SAAL1: variants seen among roughly 807,000 people sequenced by gnomAD.
SAAL1 encodes serum amyloid A like 1.
SAAL1 carries 42 observed loss-of-function variants against 59.8 expected under a neutral mutation model. That is an observed-to-expected ratio of 0.70 (90% CI 0.55 to 0.91). SAAL1 has a LOEUF of 0.91. SAAL1 is among the 40% of genes least tolerant of loss of function. The probability of loss-of-function intolerance (pLI) is 0.00; values close to 1 mark genes in which losing one functional copy is unlikely to be tolerated. For missense variants in SAAL1, 542 were observed against 561.1 expected (o/e 0.97, Z 0.34); for synonymous variants, 191 against 194.3 (o/e 0.98, Z 0.14).
At position 18,080,483 on chromosome 11, in the gene SAAL1, A is replaced by T. The variant is rs1347322278; in HGVS notation, c.1341T>A (p.Asp447Glu). ...CAACTTCACGTAGGATTTTAATAAA[A>T]TCTTCCACCTGTGAGTCAAACAAAC... The part of the protein sequence containing the change: ...LLPFYSPVVE[D>E]FIKILREVDK... Residue 447 changes from aspartate to glutamate, a missense_variant, in exon 12 of 12, where the codon GAT (aspartate) becomes GAA (glutamate). Coordinates refer to ENST00000524803, the MANE Select transcript of SAAL1 (RefSeq NM_138421.3). 6.3e-7 allele frequency: 1 copy of T among 1,580,390 alleles called. No homozygotes were observed. The highest frequency in any genetic ancestry group is 2.0e-5 in the Admixed American group (1 of 48,892).
intron 2 of SAAL1, among the ~76,000 whole-genome samples, chr11:18,101,858 G>A (rs1403597337): frequency 2.0e-5 from 2 of 99,942 alleles, no homozygotes; most frequent in Non-Finnish European, 2.6e-5. Context: ...ACACAACATG[G>A]ATGAATCTCA....
At chr11:18,100,561 C>G (rs1339855836) in intron 2 of SAAL1, among the ~76,000 whole-genome samples, 2 of 152,162 alleles carry the variant, frequency 1.3e-5, no homozygotes, top group Non-Finnish European at 2.9e-5. Flanking sequence ...AAAACCCCAT[C>G]TCTACAAAAA....
intron 4 of SAAL1, 62 bp from the exon 5 acceptor site, chr11:18,090,555 T>C: frequency 6.5e-7 from 1 of 1,546,420 alleles, no homozygotes; most frequent in Non-Finnish European, 8.7e-7. Context: ...ATCAGAGTTT[T>C]CATTTAATTT....
chr11:18,090,583 T>A (rs1414164838), intron 4 of SAAL1, 90 bp from the exon 5 acceptor site: 8 of 1,382,214 alleles, frequency 5.8e-6, no homozygotes, highest in Non-Finnish European at 7.9e-6. Flanking sequence ...ATCTTTATTG[T>A]GAAATACAGC....
chr11:18,094,350 T>C (rs1454113651), intron 3 of SAAL1, among the ~76,000 whole-genome samples: 6 of 152,162 alleles, frequency 3.9e-5, no homozygotes, highest in Admixed American at 3.9e-4. Context: ...AGAGCTGACT[T>C]TTCATACACA....
intron 2 of SAAL1, among the ~76,000 whole-genome samples, chr11:18,098,910 A>G (rs985729815): frequency 3.9e-5 from 6 of 152,250 alleles, no homozygotes; most frequent in African/African-American, 1.4e-4. Flanking sequence ...ATTAAATGCC[A>G]GGCACAGTGA....
chr11:18,093,009 T>C (rs1848537635), intron 3 of SAAL1, among the ~76,000 whole-genome samples: 1 of 152,094 alleles, frequency 6.6e-6, no homozygotes, highest in Admixed American at 6.5e-5. Flanking sequence ...ATGTTTTAAA[T>C]TGCATGCCTT....
At position 18,094,787 on chromosome 11, in the gene SAAL1, G is replaced by A. The variant is rs529393324; in HGVS notation, c.333+1984C>T. Among the ~76,000 whole-genome samples the A allele has an allele frequency of 4.6e-5, 7 of 152,246 alleles. No individual in the cohort carries two copies. In the East Asian group the frequency reaches 7.7e-4, roughly 17 times the overall value. ...AATAAAAAGTGGGTGGTCAAATGTT[G>A]GGAAAAGATTAAGAGTGAGTAGGGG... On this transcript the variant is annotated intron_variant, in intron 3 of 11. Coordinates refer to ENST00000524803, the MANE Select transcript of SAAL1 (RefSeq NM_138421.3).
chr11:18,081,283 A>C, intron 11 of SAAL1, 128 bp downstream of exon 11: 1 of 635,508 alleles, frequency 1.6e-6, no homozygotes, highest in Non-Finnish European at 2.8e-6. Context: ...CTATCTGACA[A>C]AGGCATTAAG....
chr11:18,095,676 T>C (rs147463755), intron 3 of SAAL1, among the ~76,000 whole-genome samples: 1 of 152,318 alleles, frequency 6.6e-6, no homozygotes, highest in African/African-American at 2.4e-5. Context: ...TAATTATAAT[T>C]ATTGAACAGA....
Position 18,086,925 on chromosome 11 carries a change from G to GA in SAAL1, c.982dup (p.Ser328PhefsTer12), listed in dbSNP as rs768235249. On this transcript the variant is annotated frameshift_variant, in exon 9 of 12. Coordinates refer to ENST00000524803, the MANE Select transcript of SAAL1 (RefSeq NM_138421.3). LOFTEE classifies it high-confidence loss of function. ...TGAGGCATAGATGGCAGACAACACT[G>GA]AAAAAACAGAGGCTAGCACTGTTTT... 1.9e-6 allele frequency: 3 copies of GA among 1,614,004 alleles called. No homozygotes were observed. The highest frequency in any genetic ancestry group is 2.2e-5 in the East Asian group (1 of 44,872).
chr11:18,090,098 C>T (rs1196578253), intron 6 of SAAL1, 77 bp downstream of exon 6: 24 of 1,338,024 alleles, frequency 1.8e-5, no homozygotes, highest in Non-Finnish European at 2.4e-5. Context: ...AAGGTGACTT[C>T]TAGAAATAGT....
At position 18,092,232 on chromosome 11, in the gene SAAL1, T is replaced by C. The variant is rs376583070; in HGVS notation, c.413+13A>G. 10 of 1,367,778 alleles carry C rather than the reference T, an allele frequency of 7.3e-6. No homozygotes were observed. The highest frequency in any genetic ancestry group is 2.4e-5 in the South Asian group (2 of 82,464). The allele number at this position is 1,367,778 out of a possible 1,614,324, so 84.7% of individuals were successfully genotyped here. ...GAATATATTAAAAAACATAATTATA[T>C]AGTAAGACTTACCCAAGATTTTTAT... On this transcript the variant is annotated intron_variant, in intron 4 of 11. Transcript: ENST00000524803.
intron 1 of SAAL1, among the ~76,000 whole-genome samples, chr11:18,104,304 C>T (rs557926203): frequency 2.4e-4 from 36 of 152,282 alleles, no homozygotes; most frequent in African/African-American, 8.4e-4. Context: ...AAAGTATCTT[C>T]TCTTGCAAAA....
At chr11:18,087,093 A>T (rs1014234160) in intron 8 of SAAL1, 39 bp from the exon 9 acceptor site, 4 of 1,600,848 alleles carry the variant, frequency 2.5e-6, no homozygotes, top group Admixed American at 3.3e-5. Context: ...CTTTAAAATC[A>T]GCAAACAATT....
At chr11:18,082,841 A>C (rs1214667788) in intron 10 of SAAL1, among the ~76,000 whole-genome samples, 9 of 152,144 alleles carry the variant, frequency 5.9e-5, no homozygotes, top group Non-Finnish European at 1.2e-4. Context: ...CATGTTGCCC[A>C]AACTGGTCTC....
At chr11:18,089,920 C>A (rs1387954918) in intron 6 of SAAL1, among the ~76,000 whole-genome samples, 1 of 152,082 alleles carries the variant, frequency 6.6e-6, no homozygotes, top group Non-Finnish European at 1.5e-5. Context: ...CATGGCGGTG[C>A]ATGACTATAG....
chr11:18,083,523 C>G lies in SAAL1; in HGVS notation c.1239+12G>C, dbSNP rs1429729399. Reference sequence around the variant, plus strand: ...TCTTTTGCTTATGACATCATCAATACTTCTTTCCTACCTTTGTTAATGCCT... The same window carrying G: ...TCTTTTGCTTATGACATCATCAATAGTTCTTTCCTACCTTTGTTAATGCCT... On this transcript the variant is annotated intron_variant, in intron 10 of 11. Transcript: ENST00000524803. The G allele has an allele frequency of 6.6e-7, 1 of 1,508,944 alleles. No homozygotes were observed. The highest frequency in any genetic ancestry group is 1.7e-5 in the Admixed American group (1 of 57,860). 93.5% of individuals were successfully genotyped at this position (1,508,944 alleles called of 1,614,324 possible).
intron 4 of SAAL1, among the ~76,000 whole-genome samples, chr11:18,091,359 A>G (rs1848521915): frequency 6.6e-6 from 1 of 152,212 alleles, no homozygotes; most frequent in South Asian, 2.1e-4. Context: ...AACATTTCTC[A>G]TTTTTGGATT....
Sources: allele counts gnomAD v4.1 joint callset (sites outside exome capture counted in the v4.1 genomes callset), GRCh38; gene constraint gnomAD v4.1.1; transcripts MANE v1.5; gene names NCBI Gene and HGNC (gene_info 2026-07-23, HGNC 2026-07-21).